Variants in ATXN8OS observed in about 807,000 individuals in gnomAD.
ATXN8OS encodes ATXN8 opposite strand lncRNA, also known as ATXN8 opposite strand (non-protein coding).
At chr13:70,171,666 AAAT>A (rs1239472641) in exon 5 of ATXN8OS, among the ~76,000 whole-genome samples, 11 of 152,126 alleles carry the variant, frequency 7.2e-5, no homozygotes, top group African/African-American at 1.2e-4. Flanking sequence ...GACTGTATAT[AAAT>A]AATATTATTT....
At chr13:70,158,998 T>C (rs970505945) in intron 4 of ATXN8OS, among the ~76,000 whole-genome samples, 1 of 152,162 alleles carries the variant, frequency 6.6e-6, no homozygotes, top group African/African-American at 2.4e-5. Context: ...TTATTATGAA[T>C]TTACATGTAT....
At chr13:70,155,808 T>A (rs9599563) in intron 4 of ATXN8OS, among the ~76,000 whole-genome samples, 3 of 140,310 alleles carry the variant, frequency 2.1e-5, no homozygotes, top group African/African-American at 5.6e-5. Flanking sequence ...AAAAAAAAAA[T>A]GAAAAGAAAA....
chr13:70,165,198 G>A (rs1246291880), intron 4 of ATXN8OS, among the ~76,000 whole-genome samples: 1 of 151,740 alleles, frequency 6.6e-6, no homozygotes, highest in Non-Finnish European at 1.5e-5. Context: ...AAAGCATATT[G>A]TTAATTTAAG....
chr13:70,170,808 T>C (rs1889136467), exon 5 of ATXN8OS, among the ~76,000 whole-genome samples: 1 of 152,102 alleles, frequency 6.6e-6, no homozygotes, highest in South Asian at 2.1e-4. Flanking sequence ...CATCACAGAA[T>C]CTACTTACAA....
At chr13:70,120,481 G>C (rs1868538898) in intron 2 of ATXN8OS, among the ~76,000 whole-genome samples, 1 of 152,252 alleles carries the variant, frequency 6.6e-6, no homozygotes, top group South Asian at 2.1e-4. Flanking sequence ...TCATTAAATT[G>C]TTGGAGTCTA....
intron 3 of ATXN8OS, among the ~76,000 whole-genome samples, chr13:70,135,674 C>T (rs1399395834): frequency 6.6e-6 from 1 of 152,056 alleles, no homozygotes; most frequent in East Asian, 1.9e-4. Flanking sequence ...TTCTTATCTG[C>T]ACTACTATGT....
chr13:70,123,689 A>G (rs529070290), intron 2 of ATXN8OS, among the ~76,000 whole-genome samples: 6 of 152,272 alleles, frequency 3.9e-5, no homozygotes, highest in Non-Finnish European at 8.8e-5. Context: ...ATAACAATTC[A>G]CCATTAAGTA....
chr13:70,120,196 T>G (rs1467002473), intron 2 of ATXN8OS, among the ~76,000 whole-genome samples: 3 of 152,148 alleles, frequency 2.0e-5, no homozygotes, highest in Non-Finnish European at 4.4e-5. Flanking sequence ...ACCTTTAATA[T>G]GTCCCCTTTC....
At position 70,166,846 on chromosome 13, in the gene ATXN8OS, G is replaced by C. The variant is rs541101491; in HGVS notation, n.574-2907G>C. Among the ~76,000 whole-genome samples the C allele has an allele frequency of 8.3e-4, 126 of 151,956 alleles. 1 individual carries two copies. The highest frequency in any genetic ancestry group is 7.7e-4 in the Non-Finnish European group (52 of 67,926). On this transcript the variant is annotated intron_variant and non_coding_transcript_variant, in intron 4 of 4. Transcript: ENST00000678624. ...AAGAATAAAACAACCCCATCAAAAA[G>C]TGGGCAAAGGATATAAACAGACACT...
At chr13:70,131,020 G>C in intron 3 of ATXN8OS, 1 of 398,488 alleles carries the variant, frequency 2.5e-6, no homozygotes, top group South Asian at 1.3e-4. Context: ...ATCTTAAAGA[G>C]AGTTAGGAAG....
chr13:70,146,077 AACAACC>A (rs1888782268), intron 3 of ATXN8OS, among the ~76,000 whole-genome samples: 1 of 106,464 alleles, frequency 9.4e-6, no homozygotes, highest in Non-Finnish European at 2.0e-5. Context: ...AAAAAAAAAA[AACAACC>A]CCATCAAAAA....
intron 2 of ATXN8OS, among the ~76,000 whole-genome samples, chr13:70,129,525 C>T (rs866689697): frequency 1.3e-5 from 2 of 151,968 alleles, no homozygotes; most frequent in Non-Finnish European, 2.9e-5. Context: ...TCCTCCCTAT[C>T]TTGTGTTTAA....
At chr13:70,129,659 A>G in intron 2 of ATXN8OS, 1 of 395,744 alleles carries the variant, frequency 2.5e-6, no homozygotes, top group African/African-American at 2.1e-5. Flanking sequence ...TTGATGTTTA[A>G]AGTTCATTTA....
chr13:70,165,968 ACTTC>A (rs1889071346), intron 4 of ATXN8OS, among the ~76,000 whole-genome samples: 1 of 152,034 alleles, frequency 6.6e-6, no homozygotes, highest in Admixed American at 6.6e-5. Context: ...AAATTAGAAT[ACTTC>A]CTTAACACAT....
chr13:70,143,854 G>C (rs1211233062), intron 3 of ATXN8OS, among the ~76,000 whole-genome samples: 2 of 152,066 alleles, frequency 1.3e-5, no homozygotes, highest in Non-Finnish European at 2.9e-5. Context: ...TTCACAAAGT[G>C]TGTTGACATG....
chr13:70,167,641 C>T (rs1224832354), intron 4 of ATXN8OS, among the ~76,000 whole-genome samples: 2 of 106,936 alleles, frequency 1.9e-5, no homozygotes, highest in Admixed American at 9.3e-5. Context: ...GCACATGTAC[C>T]CTAAAACTTA....
exon 5 of ATXN8OS, among the ~76,000 whole-genome samples, chr13:70,171,674 T>TTATA: frequency 1.3e-5 from 2 of 152,120 alleles, no homozygotes; most frequent in Non-Finnish European, 2.9e-5. Context: ...ATAAATAATA[T>TTATA]TATTTATTAA....
chr13:70,131,673 A>T (rs1437914721), intron 3 of ATXN8OS: 1 of 394,840 alleles, frequency 2.5e-6, no homozygotes, highest in Admixed American at 4.4e-5. Flanking sequence ...TCTCTGGCCA[A>T]CCCAGACTAG....
At chr13:70,154,683 C>G (rs760128590) in intron 4 of ATXN8OS, among the ~76,000 whole-genome samples, 1 of 152,158 alleles carries the variant, frequency 6.6e-6, no homozygotes, top group Non-Finnish European at 1.5e-5. Context: ...TAGAGACTCT[C>G]CCAGCAATCC....
Sources: allele counts gnomAD v4.1 joint callset (sites outside exome capture counted in the v4.1 genomes callset), GRCh38; gene constraint gnomAD v4.1.1; transcripts MANE v1.5; gene names NCBI Gene and HGNC (gene_info 2026-07-23, HGNC 2026-07-21).